DLGAP5: variants seen among roughly 807,000 people sequenced by gnomAD.
The protein encoded by DLGAP5 is DLG associated protein 5.
A neutral mutation model predicts 99.6 loss-of-function variants in DLGAP5; 90 were observed. The ratio of observed to expected loss-of-function variants is 0.90; its 90% CI spans 0.76 to 1.08. The LOEUF is 1.08. Ranked by LOEUF, DLGAP5 falls within the 50% of genes least tolerant of loss-of-function variation. The pLI is 0.00. For missense variants in DLGAP5, 1,036 were observed against 983.5 expected (o/e 1.05, Z -0.71); for synonymous variants, 311 against 321.3 (o/e 0.97, Z 0.34).
In DLGAP5 at chr14:55,179,616, G is replaced by T. The variant is rs1391885309; in HGVS notation, c.774+13C>A. 5 of 1,601,006 alleles carry T rather than the reference G, an allele frequency of 3.1e-6. No individual in the cohort carries two copies. Among genetic ancestry groups the T allele is most frequent in the Non-Finnish European group, 2.6e-6 (3 of 1,172,204 alleles). On this transcript the variant is annotated intron_variant, in intron 7 of 18. Coordinates refer to ENST00000247191, the MANE Select transcript of DLGAP5 (RefSeq NM_014750.5). Reference sequence around the variant, plus strand: ...TCAAAGCATCTAGAATTAAAAAGATGTTTATTCTCTACCTTGTCGGGTTTT... The same window carrying T: ...TCAAAGCATCTAGAATTAAAAAGATTTTTATTCTCTACCTTGTCGGGTTTT...
chr14:55,180,792 AAAT>A lies in DLGAP5; in HGVS notation c.581-17_581-15del, dbSNP rs746175147. On this transcript the variant is annotated splice_polypyrimidine_tract_variant and intron_variant, in intron 5 of 18. Transcript: ENST00000247191. ...CAGGCTGCACAACTGTGGGAAAAAA[AAAT>A]AACTACATCAAATGTCCCTTGTAGT... The A allele has an allele frequency of 6.2e-7, 1 of 1,614,094 alleles. No individual in the cohort carries two copies. Among genetic ancestry groups the A allele is most frequent in the Non-Finnish European group, 8.5e-7 (1 of 1,179,988 alleles).
intron 14 of DLGAP5, among the ~76,000 whole-genome samples, chr14:55,155,810 C>T (rs553453168): frequency 4.4e-4 from 67 of 151,542 alleles, no homozygotes; most frequent in African/African-American, 1.5e-3. Flanking sequence ...ATGAATTGGC[C>T]GGGCGCGGTG....
chr14:55,152,620 A>G lies in DLGAP5; in HGVS notation c.2091T>C (p.Pro697=). 1 of 1,602,776 alleles carries G rather than the reference A, an allele frequency of 6.2e-7. No homozygotes were observed. The highest frequency in any genetic ancestry group is 8.5e-7 in the Non-Finnish European group (1 of 1,175,588). The change falls in exon 16 of 19, where the codon CCT becomes CCC. Residue 697 remains proline (P), a synonymous_variant. Transcript: ENST00000247191. ...TTTCTTCAATTAAATCTGGTAATCCAGGACACTGAGCATCTTCTATGCTGC... is the reference window on the plus strand; with the variant it reads ...TTTCTTCAATTAAATCTGGTAATCCGGGACACTGAGCATCTTCTATGCTGC... ...SRSSIEDAQC[P]GLPDLIEENH...
Position 55,177,231 on chromosome 14 carries a change from G to T in DLGAP5, c.880C>A (p.Pro294Thr). ...DGVLSKMENL[P>T]EINTAKIKGK... is the part of the protein sequence containing the mutation. ...TTTATTTTTGCAGTATTTATCTCAG[G>T]TAAGTTTTCCATTTTTGATAAGACT... The change falls in exon 8 of 19, where the codon CCT becomes ACT. Residue 294 changes from proline to threonine, a missense_variant. Pro to Thr is a conservative substitution (Grantham distance 38). Transcript: ENST00000247191. 1 of 1,613,182 alleles carries T rather than the reference G, an allele frequency of 6.2e-7. No individual in the cohort carries two copies. Among genetic ancestry groups the T allele is most frequent in the Non-Finnish European group, 8.5e-7 (1 of 1,179,678 alleles).
chr14:55,177,048 G>A lies in DLGAP5; in HGVS notation c.1049+14C>T. ...ATCTTAGCAAGAGACTTATTATTAA[G>A]ATCATATTCTTACACTTCTGTTTTT... is the stretch of plus-strand genomic sequence containing the variant. On this transcript the variant is annotated intron_variant, in intron 8 of 18. Coordinates refer to ENST00000247191, the MANE Select transcript of DLGAP5 (RefSeq NM_014750.5). 1.8e-6 allele frequency: 2 copies of A among 1,135,156 alleles called. No homozygotes were observed. Among genetic ancestry groups the A allele is most frequent in the Non-Finnish European group, 2.3e-6 (2 of 879,242 alleles). The allele number at this position is 1,135,156 out of a possible 1,614,324, so 70.3% of individuals were successfully genotyped here. A position where few individuals can be genotyped will look rare whatever the true frequency, so the allele number is the denominator to read the frequency against.
intron 15 of DLGAP5, among the ~76,000 whole-genome samples, chr14:55,153,726 A>G (rs1882103078): frequency 1.3e-5 from 2 of 152,132 alleles, no homozygotes; most frequent in Admixed American, 1.3e-4. Flanking sequence ...CTCAAATGCA[A>G]TTATGAATCT....
intron 10 of DLGAP5, among the ~76,000 whole-genome samples, chr14:55,173,288 C>A (rs140451375): frequency 0.012 from 1,402 of 121,266 alleles, 15 homozygotes; most frequent in African/African-American, 0.024. Flanking sequence ...AAAAAAAAAA[C>A]AAAAAAAAAA....
At position 55,175,897 on chromosome 14, in the gene DLGAP5, C is replaced by T; in HGVS notation, c.1171G>A (p.Glu391Lys). 1 of 1,590,888 alleles carries T rather than the reference C, an allele frequency of 6.3e-7. No individual in the cohort carries two copies. Among genetic ancestry groups the T allele is most frequent in the South Asian group, 1.2e-5 (1 of 85,652 alleles). The change falls in exon 9 of 19, where the codon GAA becomes AAA. Residue 391 changes from glutamate (E) to lysine (K), a missense_variant. Transcript: ENST00000247191. ...CPLGPLTVWH[E>K]EHVLNKNEAT... Reference sequence around the variant, plus strand: ...ATAAATTAATTAAATACTATACCTTCATGCCAAACAGTTAGAGGACCCAAA... The same window carrying T: ...ATAAATTAATTAAATACTATACCTTTATGCCAAACAGTTAGAGGACCCAAA...
intron 14 of DLGAP5, 22 bp downstream of exon 14, chr14:55,158,500 T>A (rs746040103): frequency 1.3e-6 from 2 of 1,597,020 alleles, no homozygotes; most frequent in Non-Finnish European, 1.7e-6. Context: ...ACAAAAAAAA[T>A]AAAAAATCAA....
In DLGAP5 at chr14:55,162,979, C is replaced by T; in HGVS notation, c.1645G>A (p.Val549Ile). Reference sequence around the variant, plus strand: ...AAAACCCACAAACTTACCCTAAAGACATTTTTGTTCATATTATGATTCATA... The same window carrying T: ...AAAACCCACAAACTTACCCTAAAGATATTTTTGTTCATATTATGATTCATA... ...NNMNHNMNKN[V>I]FRKKVVSGIA... Residue 549 changes from valine (V) to isoleucine (I), a missense_variant, in exon 13 of 19, where the codon GTC (valine) becomes ATC (isoleucine). Physicochemically the swap from Val to Ile is conservative, Grantham distance 29. Coordinates refer to ENST00000247191, the MANE Select transcript of DLGAP5 (RefSeq NM_014750.5). The T allele has an allele frequency of 6.4e-7, 1 of 1,552,190 alleles. No homozygotes were observed. The highest frequency in any genetic ancestry group is 8.7e-7 in the Non-Finnish European group (1 of 1,148,020).
chr14:55,161,547 T>G (rs1378222884), intron 13 of DLGAP5, among the ~76,000 whole-genome samples: 1 of 150,384 alleles, frequency 6.6e-6, no homozygotes, highest in East Asian at 2.0e-4. Context: ...GTAGCTGGGA[T>G]TACAGGCATG....
In DLGAP5 at chr14:55,189,149, T is replaced by C. The variant is rs913547728; in HGVS notation, c.31A>G (p.Arg11Gly). ...ATCATTTCAGTACTTATATCCTTCC[T>C]GTGTCGACTGGCAAAATGTGATGAA... is the stretch of plus-strand genomic sequence containing the variant. MSSSHFASRH[R>G]KDISTEMIRT... Residue 11 changes from arginine (R) to glycine (G), a missense_variant, in exon 2 of 19, where the codon AGG becomes GGG. Physicochemically the swap from Arg to Gly is moderately radical, Grantham distance 125 (BLOSUM62 -2). Transcript: ENST00000247191. 9 of 1,613,442 alleles carry C rather than the reference T, an allele frequency of 5.6e-6. No individual in the cohort carries two copies. Among genetic ancestry groups the C allele is most frequent in the South Asian group, 1.1e-5 (1 of 90,882 alleles).
intron 2 of DLGAP5, among the ~76,000 whole-genome samples, chr14:55,185,865 T>C (rs1272932806): frequency 6.6e-6 from 1 of 152,246 alleles, no homozygotes; most frequent in Non-Finnish European, 1.5e-5. Flanking sequence ...ATGAACCCCA[T>C]ATACCTATTA....
At chr14:55,190,293 C>CACACACACACACACACACACACAA (rs1342513576) in intron 1 of DLGAP5, among the ~76,000 whole-genome samples, 6 of 151,416 alleles carry the variant, frequency 4.0e-5, no homozygotes, top group African/African-American at 1.5e-4. Context: ...AAGCCATACA[C>CACACACACACACACACACACACAA]ACACACACAC....
chr14:55,183,783 G>C (rs1883348702), intron 2 of DLGAP5, 30 bp from the exon 3 acceptor site: 9 of 1,505,330 alleles, frequency 6.0e-6, no homozygotes, highest in Non-Finnish European at 8.0e-6. Flanking sequence ...AAACCACACA[G>C]TATATAAAAC....
Position 55,148,391 on chromosome 14 carries a change from T to G in DLGAP5, c.2501A>C (p.Asn834Thr). 1 of 1,614,156 alleles carries G rather than the reference T, an allele frequency of 6.2e-7. No homozygotes were observed. Among genetic ancestry groups the G allele is most frequent in the South Asian group, 1.1e-5 (1 of 91,084 alleles). ...EHARHISFGG[N>T]LITFSPLQPG... ...TTGTAGAGGTGAAAAAGTAATCAGG[T>G]TACCACCAAAAGAAATGTGTCTGGC... Residue 834 changes from asparagine to threonine, a missense_variant, in exon 19 of 19, where the codon AAC becomes ACC. Physicochemically the swap from Asn to Thr is moderately conservative, Grantham distance 65 (BLOSUM62 0). Coordinates refer to ENST00000247191, the MANE Select transcript of DLGAP5 (RefSeq NM_014750.5).
At chr14:55,175,873 T>C in intron 9 of DLGAP5, 21 bp downstream of exon 9, 1 of 1,527,198 alleles carries the variant, frequency 6.5e-7, no homozygotes, top group Non-Finnish European at 8.8e-7. Context: ...AAAAAATGAA[T>C]AAATTAATTA....
At chr14:55,171,485 A>G (rs929604509) in intron 10 of DLGAP5, among the ~76,000 whole-genome samples, 2 of 152,222 alleles carry the variant, frequency 1.3e-5, no homozygotes, top group Admixed American at 6.5e-5. Flanking sequence ...GTATCCTAGC[A>G]TGTAGAGAAA....
chr14:55,174,448 C>A (rs1162850532), intron 10 of DLGAP5, among the ~76,000 whole-genome samples: 1 of 152,190 alleles, frequency 6.6e-6, no homozygotes, highest in Non-Finnish European at 1.5e-5. Context: ...TACTTGATGT[C>A]TGTGACCCAC....
Sources: gnomAD v4.1 joint callset for allele counts (sites outside exome capture counted in the v4.1 genomes callset) on GRCh38, gnomAD v4.1.1 for gene constraint, MANE v1.5 for transcripts, NCBI Gene and HGNC (gene_info 2026-07-23, HGNC 2026-07-21) for gene names.